The following LDLRAD4 variants were observed in gnomAD, a reference collection of about 807,000 sequenced individuals.
LDLRAD4 encodes low density lipoprotein receptor class A domain containing 4, also known as low-density lipoprotein receptor class A domain-containing protein 4.
Under a neutral mutation model 17.0 loss-of-function variants are expected in LDLRAD4, and 5 were observed. The observed-to-expected ratio is 0.29, with a 90% CI of 0.15 to 0.62. LDLRAD4 has a LOEUF of 0.62. LDLRAD4 is among the 20% of genes least tolerant of loss of function. The pLI is 0.84. For synonymous variants in LDLRAD4, 168 were observed against 171.8 expected (o/e 0.98, Z 0.17); for missense variants, 340 against 424.7 (o/e 0.80, Z 1.75).
At chr18:13,265,529 C>T (rs1040802850) in intron 1 of LDLRAD4, among the ~76,000 whole-genome samples, 24 of 152,184 alleles carry the variant, frequency 1.6e-4, no homozygotes, top group African/African-American at 5.8e-4. Context: ...AAACGTGTGA[C>T]AGGGATGAAT....
At chr18:13,519,323 C>A (rs1250427196) in intron 3 of LDLRAD4, among the ~76,000 whole-genome samples, 1 of 152,160 alleles carries the variant, frequency 6.6e-6, no homozygotes, top group Non-Finnish European at 1.5e-5. Flanking sequence ...GTGGCATCAA[C>A]CTACGTGGCT....
chr18:13,331,992 C>A (rs1161550377), intron 1 of LDLRAD4, among the ~76,000 whole-genome samples: 1 of 152,218 alleles, frequency 6.6e-6, no homozygotes, highest in Non-Finnish European at 1.5e-5. Context: ...TGTGCCATGG[C>A]ACCTGCCAGA....
At chr18:13,606,961 C>T (rs1463776967) in intron 3 of LDLRAD4, among the ~76,000 whole-genome samples, 2 of 152,218 alleles carry the variant, frequency 1.3e-5, no homozygotes, top group East Asian at 3.8e-4. Context: ...GAATCTTTTA[C>T]ATGGATTTGC....
rs754197904 is a variant in LDLRAD4 at position 13,645,167 on chromosome 18, C to T, written c.431C>T (p.Pro144Leu). 4.3e-6 allele frequency: 7 copies of T among 1,613,934 alleles called. No individual in the cohort carries two copies. Among genetic ancestry groups the T allele is most frequent in the Admixed American group, 1.7e-5 (1 of 60,010 alleles). ...CGGTCCAGGGACAGGTTCACAGCGC[C>T]GTCCTTCATCCAGAGGGATCGCTTC... The change falls in exon 6 of 6, where the codon CCG becomes CTG. Residue 144 changes from proline to leucine, a missense_variant. Transcript: ENST00000359446. This position sits in a 1 kb window ranked among gnomAD's most constrained non-coding sequence, Gnocchi z 5.7.
intron 3 of LDLRAD4, among the ~76,000 whole-genome samples, chr18:13,456,232 T>C (rs867834707): frequency 2.0e-5 from 3 of 152,190 alleles, no homozygotes; most frequent in Admixed American, 6.5e-5. Context: ...GAGGAGCATG[T>C]ACACGTTTTG....
intron 3 of LDLRAD4, among the ~76,000 whole-genome samples, chr18:13,476,181 G>A (rs2092934193): frequency 6.6e-6 from 1 of 152,202 alleles, no homozygotes; most frequent in African/African-American, 2.4e-5. Flanking sequence ...CTTTGTGGGT[G>A]AGAGGTGGCA....
At chr18:13,432,343 G>T (rs561710748) in intron 2 of LDLRAD4, among the ~76,000 whole-genome samples, 7 of 152,196 alleles carry the variant, frequency 4.6e-5, no homozygotes, top group Non-Finnish European at 7.3e-5. Flanking sequence ...TTATGGAATC[G>T]AATATTTCAA....
Position 13,648,232 on chromosome 18 carries a change from T to C in LDLRAD4, c.*2575T>C, listed in dbSNP as rs533479212. 3.9e-5 allele frequency: 6 copies of C among 152,382 alleles called. No homozygotes were observed. In the South Asian group the frequency reaches 1.2e-3, roughly 32 times the overall value. The allele number at this position is 152,382 out of a possible 1,614,324, so 9.4% of individuals were successfully genotyped here. A position where few individuals can be genotyped will look rare whatever the true frequency, so the allele number is the denominator to read the frequency against. On this transcript the variant is annotated 3_prime_UTR_variant, in exon 6 of 6. Transcript: ENST00000359446. ...GTGAATTCCTTAGTAACTGTGAGTATATGAATGTGTTGCACATGTCCACAG... is the reference window on the plus strand; with the variant it reads ...GTGAATTCCTTAGTAACTGTGAGTACATGAATGTGTTGCACATGTCCACAG...
At chr18:13,434,082 T>A (rs145324292) in intron 2 of LDLRAD4, among the ~76,000 whole-genome samples, 1 of 152,282 alleles carries the variant, frequency 6.6e-6, no homozygotes, top group Non-Finnish European at 1.5e-5. Flanking sequence ...GCATTAAGAT[T>A]TGATGACTCT....
intron 1 of LDLRAD4, among the ~76,000 whole-genome samples, chr18:13,314,649 G>C (rs1567997183): frequency 6.6e-6 from 1 of 152,222 alleles, no homozygotes; most frequent in Non-Finnish European, 1.5e-5. Context: ...GAGCTGGATA[G>C]GTGAAGAACA....
chr18:13,326,389 G>A (rs1479765890), intron 1 of LDLRAD4, among the ~76,000 whole-genome samples: 2 of 152,178 alleles, frequency 1.3e-5, no homozygotes, highest in South Asian at 2.1e-4. Context: ...AGAAAAAAGG[G>A]CGTAAAGGAA....
chr18:13,237,853 G>C (rs1391550373), intron 1 of LDLRAD4, among the ~76,000 whole-genome samples: 8 of 152,214 alleles, frequency 5.3e-5, no homozygotes, highest in Non-Finnish European at 1.0e-4. Flanking sequence ...TACAGATGAG[G>C]AAACTGAGGT....
chr18:13,292,777 T>C (rs2046037588), intron 1 of LDLRAD4, among the ~76,000 whole-genome samples: 1 of 152,196 alleles, frequency 6.6e-6, no homozygotes, highest in African/African-American at 2.4e-5. Flanking sequence ...GTAGGTGGCC[T>C]TCTACTTTGT....
intron 1 of LDLRAD4, among the ~76,000 whole-genome samples, chr18:13,376,042 C>A (rs1282322314): frequency 6.6e-6 from 1 of 152,118 alleles, no homozygotes; most frequent in Non-Finnish European, 1.5e-5. Flanking sequence ...AAATCAAGTC[C>A]TCGTTCTTGC....
At chr18:13,597,410 T>A (rs1190039468) in intron 3 of LDLRAD4, among the ~76,000 whole-genome samples, 1 of 152,198 alleles carries the variant, frequency 6.6e-6, no homozygotes, top group African/African-American at 2.4e-5. Flanking sequence ...TTATCCTATT[T>A]GGAGTTTGTT....
chr18:13,635,900 C>T lies in LDLRAD4; in HGVS notation c.337-7459C>T, dbSNP rs562541327. ...AGAGCTCTAGACTAACGTTAGAGTT[C>T]CAAGTGTACGCAGCAGAGAAGACAG... On this transcript the variant is annotated intron_variant, in intron 4 of 5. Transcript: ENST00000359446. 9.3e-5 allele frequency among the ~76,000 whole-genome samples: 14 copies of T among 151,244 alleles called. No homozygotes were observed. The South Asian group carries it at 2.9e-3, about 32-fold the overall frequency.
intron 2 of LDLRAD4, among the ~76,000 whole-genome samples, chr18:13,417,593 T>C (rs1452243587): frequency 6.6e-6 from 1 of 152,040 alleles, no homozygotes; most frequent in East Asian, 1.9e-4. Flanking sequence ...CCACCACACC[T>C]GGCTAATTTT....
intron 3 of LDLRAD4, among the ~76,000 whole-genome samples, chr18:13,492,445 C>CG (rs546031335): frequency 1.3e-5 from 2 of 152,340 alleles, no homozygotes; most frequent in African/African-American, 4.8e-5. Context: ...CCTTCCCCCC[C>CG]GGGTCTGAAT....
At position 13,328,336 on chromosome 18, in the gene LDLRAD4, CTG is replaced by C. The variant is rs2081646385; in HGVS notation, c.-383+50150_-383+50151del. On this transcript the variant is annotated intron_variant, in intron 1 of 5. Coordinates refer to ENST00000359446, the Ensembl canonical transcript of LDLRAD4. ...GGCATGAAGCTCAGTGTGCATGTGC[CTG>C]TTTCTCCTTTCATAAATATTCATGA... 2.0e-5 allele frequency among the ~76,000 whole-genome samples: 3 copies of C among 152,316 alleles called. No homozygotes were observed. The South Asian group carries it at 6.2e-4, about 32-fold the overall frequency.
Sources: allele counts gnomAD v4.1 joint callset (sites outside exome capture counted in the v4.1 genomes callset), GRCh38; gene constraint gnomAD v4.1.1; non-coding constraint Gnocchi (gnomAD v3.1); transcripts MANE v1.5; gene names NCBI Gene and HGNC (gene_info 2026-07-23, HGNC 2026-07-21).